Variants in LYPLA1 observed in about 807,000 individuals in gnomAD.
LYPLA1 encodes acyl-protein thioesterase 1.
Under a neutral mutation model 34.0 loss-of-function variants are expected in LYPLA1, and 17 were observed. The ratio of observed to expected loss-of-function variants is 0.50; its 90% CI spans 0.34 to 0.75. The LOEUF (loss-of-function observed/expected upper bound fraction) is 0.75, where lower values mean the gene tolerates loss of function less well. Among genes scored for constraint, LYPLA1 ranks in the 30% least tolerant of loss-of-function variants. The pLI, the probability that LYPLA1 is intolerant of heterozygous loss-of-function variation, is 0.01. For missense variants in LYPLA1, 203 were observed against 288.8 expected (o/e 0.70, Z 2.15); for synonymous variants, 98 against 100.8 (o/e 0.97, Z 0.17).
chr8:54,044,080 T>C (rs1263500610), downstream of LYPLA1, among the ~76,000 whole-genome samples: 1 of 151,736 alleles, frequency 6.6e-6, no homozygotes, highest in Non-Finnish European at 1.5e-5. Flanking sequence ...TTAGTAGAGA[T>C]GGGGTTTTAC....
chr8:54,044,064 G>C (rs1805427119), downstream of LYPLA1, among the ~76,000 whole-genome samples: 2 of 151,778 alleles, frequency 1.3e-5, no homozygotes, highest in Admixed American at 6.6e-5. Flanking sequence ...GCTAATTTTT[G>C]CATTTTTAGT....
intron 2 of LYPLA1, among the ~76,000 whole-genome samples, chr8:54,083,208 T>C (rs535919355): frequency 2.0e-5 from 3 of 152,222 alleles, no homozygotes; most frequent in East Asian, 3.9e-4. Flanking sequence ...TCAGATAAAG[T>C]AGGTTAAGAC....
intron 2 of LYPLA1, among the ~76,000 whole-genome samples, chr8:54,092,110 G>C (rs1203703910): frequency 6.6e-6 from 1 of 151,196 alleles, no homozygotes; most frequent in Non-Finnish European, 1.5e-5. Context: ...AGGAAGAGGG[G>C]GAGGGGGAGG....
chr8:54,097,297 C>A (rs1809764478), intron 2 of LYPLA1, among the ~76,000 whole-genome samples: 1 of 152,052 alleles, frequency 6.6e-6, no homozygotes, highest in Non-Finnish European at 1.5e-5. Context: ...GTATTTATAC[C>A]AGAAATGCAT....
At chr8:54,077,456 C>T (rs1378043398) in intron 2 of LYPLA1, among the ~76,000 whole-genome samples, 1 of 152,104 alleles carries the variant, frequency 6.6e-6, no homozygotes, top group Non-Finnish European at 1.5e-5. Flanking sequence ...TGCAGTTTAC[C>T]TTGCAGATGT....
At chr8:54,101,599 G>C (rs1484874497) in intron 1 of LYPLA1, 156 bp downstream of exon 1, 8 of 1,150,732 alleles carry the variant, frequency 7.0e-6, no homozygotes, top group Non-Finnish European at 7.5e-6. Flanking sequence ...CGCCCCCCGC[G>C]GACCCGGCCG....
intron 2 of LYPLA1, among the ~76,000 whole-genome samples, chr8:54,084,809 C>A (rs549166594): frequency 6.6e-6 from 1 of 152,240 alleles, no homozygotes; most frequent in East Asian, 1.9e-4. Flanking sequence ...TAGACAAATT[C>A]CTAGAATGAC....
intron 1 of LYPLA1, chr8:54,101,366 T>A: frequency 1.9e-6 from 2 of 1,051,610 alleles, no homozygotes; most frequent in Non-Finnish European, 1.1e-6. Context: ...GGACACTCAA[T>A]CTTCAAACTT....
rs549767041 is a variant in LYPLA1 at position 54,070,191 on chromosome 8, T to TGTA, written c.102-4381_102-4379dup. 3.2e-4 allele frequency among the ~76,000 whole-genome samples: 49 copies of TGTA among 152,266 alleles called. 2 individuals carry two copies. In the South Asian group the frequency reaches 0.01, roughly 32 times the overall value. On this transcript the variant is annotated intron_variant, in intron 2 of 8. Coordinates refer to ENST00000316963, the MANE Select transcript of LYPLA1 (RefSeq NM_006330.4). Reference sequence around the variant, plus strand: ...CAGTACAGATGTGGTGGCTCATGCCTGTAAACCCAGCTACTCGGGAGGCTG... The same window carrying TGTA: ...CAGTACAGATGTGGTGGCTCATGCCTGTAGTAAACCCAGCTACTCGGGAGGCTG...
At chr8:54,073,826 G>GT (rs1807679731) in intron 2 of LYPLA1, among the ~76,000 whole-genome samples, 1 of 152,098 alleles carries the variant, frequency 6.6e-6, no homozygotes, top group Non-Finnish European at 1.5e-5. Context: ...CAAGTCCAGT[G>GT]TTTCTTGATA....
At position 54,065,819 on chromosome 8, in the gene LYPLA1, G is replaced by T; in HGVS notation, c.102-6C>A. 1 of 1,601,024 alleles carries T rather than the reference G, an allele frequency of 6.2e-7. No homozygotes were observed. Among genetic ancestry groups the T allele is most frequent in the Non-Finnish European group, 8.6e-7 (1 of 1,168,174 alleles). On this transcript the variant is annotated splice_polypyrimidine_tract_variant and splice_region_variant and intron_variant, in intron 2 of 8. Coordinates refer to ENST00000316963, the MANE Select transcript of LYPLA1 (RefSeq NM_006330.4). ...AGGCTTCTGCCCATCCGTGCCTGGTGGAAAAATCATTGAATAATGCTATTA... is the reference window on the plus strand; with the variant it reads ...AGGCTTCTGCCCATCCGTGCCTGGTTGAAAAATCATTGAATAATGCTATTA...
chr8:54,091,519 AAAAAGAAAAGAAAAAAG>A (rs1161164627), intron 2 of LYPLA1, among the ~76,000 whole-genome samples: 74 of 116,178 alleles, frequency 6.4e-4, no homozygotes, highest in African/African-American at 4.2e-3. Flanking sequence ...GAAAGGAAAG[AAAAAGAAAAGAAAAAAG>A]AAAAGAAAAG....
chr8:54,050,280 C>A (rs915386978), intron 8 of LYPLA1, among the ~76,000 whole-genome samples: 17 of 152,170 alleles, frequency 1.1e-4, no homozygotes, highest in African/African-American at 3.6e-4. Flanking sequence ...GGCATCAGAA[C>A]TAGAAATCTC....
At chr8:54,077,319 C>T (rs921233007) in intron 2 of LYPLA1, among the ~76,000 whole-genome samples, 1 of 152,032 alleles carries the variant, frequency 6.6e-6, no homozygotes, top group East Asian at 1.9e-4. Flanking sequence ...AGGAGAGGAA[C>T]AACAGACACT....
rs760476706 is a variant in LYPLA1 at position 54,084,141 on chromosome 8, A to AATATATAT, written c.101+16759_101+16766dup. On this transcript the variant is annotated intron_variant, in intron 2 of 8. Transcript: ENST00000316963. The stretch of plus-strand genomic sequence containing the variant: ...AGACCAAAGAAAAAAAAAATAAATA[A>AATATATAT]ATATATATATATATATATATATAAA... Among the ~76,000 whole-genome samples, 79 of 118,638 alleles carry AATATATAT rather than the reference A, an allele frequency of 6.7e-4. 1 individual carries two copies. The highest frequency in any genetic ancestry group is 3.1e-3 in the African/African-American group (67 of 21,662). The allele number at this position is 118,638 out of a possible 152,430, so 77.8% of individuals were successfully genotyped here.
At chr8:54,092,992 A>C (rs1355179699) in intron 2 of LYPLA1, among the ~76,000 whole-genome samples, 2 of 152,196 alleles carry the variant, frequency 1.3e-5, no homozygotes, top group African/African-American at 4.8e-5. Flanking sequence ...CGTTATTCTT[A>C]TGAACTCTCC....
At chr8:54,067,392 T>C (rs1004532097) in intron 2 of LYPLA1, among the ~76,000 whole-genome samples, 2 of 152,124 alleles carry the variant, frequency 1.3e-5, no homozygotes, top group Non-Finnish European at 2.9e-5. Flanking sequence ...CATGCGTACA[T>C]GTTCACATAC....
Position 54,060,766 on chromosome 8 carries a change from C to T in LYPLA1, c.286+1488G>A, listed in dbSNP as rs150254692. Among the ~76,000 whole-genome samples, 285 of 148,704 alleles carry T rather than the reference C, an allele frequency of 1.9e-3. 6 individuals are homozygous for T. The East Asian group carries it at 0.047, about 24-fold the overall frequency. The stretch of plus-strand genomic sequence containing the variant: ...GGAGTGCAATGGCACAACCTCAGCT[C>T]ACTGCAACCTCCACCTACTGGGTTC... On this transcript the variant is annotated intron_variant, in intron 5 of 8. Transcript: ENST00000316963.
Position 54,090,107 on chromosome 8 carries a change from A to G in LYPLA1, c.101+10801T>C, listed in dbSNP as rs535170597. 5.9e-5 allele frequency among the ~76,000 whole-genome samples: 9 copies of G among 152,358 alleles called. No homozygotes were observed. In the South Asian group the frequency reaches 1.9e-3, roughly 32 times the overall value. On this transcript the variant is annotated intron_variant, in intron 2 of 8. Coordinates refer to ENST00000316963, the MANE Select transcript of LYPLA1 (RefSeq NM_006330.4). ...CTATCCCAGAAAAGCAGATGTTCATAGCTCTGGGAACAGAATGCGACCCTT... is the reference window on the plus strand; with the variant it reads ...CTATCCCAGAAAAGCAGATGTTCATGGCTCTGGGAACAGAATGCGACCCTT...
Sources: gnomAD v4.1 joint callset for allele counts (sites outside exome capture counted in the v4.1 genomes callset) on GRCh38, gnomAD v4.1.1 for gene constraint, MANE v1.5 for transcripts, NCBI Gene and HGNC (gene_info 2026-07-23, HGNC 2026-07-21) for gene names.